SLC4A10: variants seen among roughly 807,000 people sequenced by gnomAD.
SLC4A10 encodes the protein solute carrier family 4 member 10, also known as sodium-driven chloride bicarbonate exchanger.
A neutral mutation model predicts 137.7 loss-of-function variants in SLC4A10; 42 were observed. The ratio of observed to expected loss-of-function variants is 0.30; its 90% CI spans 0.24 to 0.39. The LOEUF is 0.39. Among genes scored for constraint, SLC4A10 ranks in the 10% least tolerant of loss-of-function variants. The pLI is 1.00. For synonymous variants in SLC4A10, 474 were observed against 464.1 expected (o/e 1.02, Z -0.27); for missense variants, 925 against 1,355.0 (o/e 0.68, Z 4.98).
At chr2:161,658,840 C>T (rs1193126835) in intron 1 of SLC4A10, among the ~76,000 whole-genome samples, 1 of 152,048 alleles carries the variant, frequency 6.6e-6, no homozygotes, top group East Asian at 1.9e-4. Flanking sequence ...ATCTGCCTGC[C>T]TCAGCCTCCT....
intron 1 of SLC4A10, among the ~76,000 whole-genome samples, chr2:161,694,915 A>C (rs933308032): frequency 6.6e-6 from 1 of 151,936 alleles, no homozygotes; most frequent in African/African-American, 2.4e-5. Context: ...AATTTTTTTT[A>C]TATCTTTGTG....
At chr2:161,781,818 TG>T (rs1248309803) in intron 2 of SLC4A10, among the ~76,000 whole-genome samples, 1 of 152,002 alleles carries the variant, frequency 6.6e-6, no homozygotes, top group Non-Finnish European at 1.5e-5. Context: ...GCACCCTGGG[TG>T]AATGCAAAAT....
chr2:161,965,216 CATA>C lies in SLC4A10; in HGVS notation c.3159+44_3159+46del, dbSNP rs1697377712. 3.2e-6 allele frequency: 5 copies of C among 1,547,152 alleles called. No individual in the cohort carries two copies. The East Asian group carries it at 1.2e-4, about 37-fold the overall frequency. ...GTTTTATAAAGAAAGAAAAAAGGAA[CATA>C]GTAATATTTCTTTGCAAAACTAAAT... On this transcript the variant is annotated intron_variant, in intron 23 of 26. Coordinates refer to ENST00000446997, the MANE Select transcript of SLC4A10 (RefSeq NM_001178015.2).
intron 1 of SLC4A10, among the ~76,000 whole-genome samples, chr2:161,626,797 T>A (rs1412912508): frequency 2.6e-5 from 4 of 152,180 alleles, no homozygotes; most frequent in African/African-American, 9.7e-5. Flanking sequence ...GAAATTGTTT[T>A]AAAAATTCAA....
At chr2:161,869,535 G>A (rs2060977022) in intron 6 of SLC4A10, among the ~76,000 whole-genome samples, 2 of 151,436 alleles carry the variant, frequency 1.3e-5, no homozygotes, top group South Asian at 2.1e-4. Context: ...CAAATAAAAT[G>A]TTAAGCTTTT....
Position 161,873,937 on chromosome 2 carries a change from G to A in SLC4A10, c.880G>A (p.Gly294Arg). 1 of 1,594,560 alleles carries A rather than the reference G, an allele frequency of 6.3e-7. No homozygotes were observed. The highest frequency in any genetic ancestry group is 8.5e-7 in the Non-Finnish European group (1 of 1,178,102). The change falls in exon 8 of 27, where the codon GGG becomes AGG. Residue 294 changes from glycine (G) to arginine (R), a missense_variant. Physicochemically the swap from Gly to Arg is moderately radical, Grantham distance 125. Coordinates refer to ENST00000446997, the MANE Select transcript of SLC4A10 (RefSeq NM_001178015.2). ...FSKGLGGQQK[G>R]HTSPCGMKQR... ...GCAGGGACTGGGAGGCCAACAAAAG[G>A]GGCATACTAGTCCATGTGGGATGAA...
At chr2:161,640,727 G>T (rs1310813762) in intron 1 of SLC4A10, among the ~76,000 whole-genome samples, 1 of 150,376 alleles carries the variant, frequency 6.6e-6, no homozygotes, top group African/African-American at 2.5e-5. Context: ...TACAGGCATG[G>T]TCATCACAGT....
chr2:161,694,819 G>T (rs906637733), intron 1 of SLC4A10, among the ~76,000 whole-genome samples: 7 of 151,954 alleles, frequency 4.6e-5, no homozygotes, highest in South Asian at 2.1e-4. Context: ...ATCCCCTTCA[G>T]TCATTATTAT....
At chr2:161,731,838 C>A (rs1472128370) in intron 1 of SLC4A10, among the ~76,000 whole-genome samples, 2 of 151,858 alleles carry the variant, frequency 1.3e-5, no homozygotes, top group African/African-American at 4.8e-5. Flanking sequence ...TCAAAATTCC[C>A]TGAATATAGT....
chr2:161,843,357 G>A (rs375324450), intron 4 of SLC4A10, among the ~76,000 whole-genome samples: 1 of 152,098 alleles, frequency 6.6e-6, no homozygotes, highest in East Asian at 1.9e-4. Flanking sequence ...ATATATTGCT[G>A]TTGATTTATA....
rs919235119 is a variant in SLC4A10, at chr2:161,933,155, C to T, written c.1998-9637C>T. Reference sequence around the variant, plus strand: ...TTTTTCTTTCTTTTCTTCTTTCTTTCCTCTTTCTTTCTCTTTCCCCTTCCT... The same window carrying T: ...TTTTTCTTTCTTTTCTTCTTTCTTTTCTCTTTCTTTCTCTTTCCCCTTCCT... On this transcript the variant is annotated intron_variant, in intron 15 of 26. Coordinates refer to ENST00000446997, the MANE Select transcript of SLC4A10 (RefSeq NM_001178015.2). Among the ~76,000 whole-genome samples the T allele has an allele frequency of 1.2e-4, 6 of 49,808 alleles. No homozygotes were observed. The South Asian group carries it at 2.8e-3, about 23-fold the overall frequency. The allele number at this position is 49,808 out of a possible 152,430, so 32.7% of individuals were successfully genotyped here.
In SLC4A10 at chr2:161,976,761, G is replaced by C; in HGVS notation, c.3229G>C (p.Asp1077His). The change falls in exon 25 of 27, where the codon GAT becomes CAT. Residue 1077 changes from aspartate to histidine, a missense_variant and splice_region_variant. By Grantham distance (81) the Asp-to-His change is moderately conservative. Around this residue, in one of 11 missense-constraint regions of SLC4A10, gnomAD observed 84 missense variants for 76.9 expected, o/e 1.09. Coordinates refer to ENST00000446997, the MANE Select transcript of SLC4A10 (RefSeq NM_001178015.2). ...TCATTTGGGGAAACTCCTGTCTAGAGATGATCCATCTGTGATCAATATATC... is the reference window on the plus strand; with the variant it reads ...TCATTTGGGGAAACTCCTGTCTAGACATGATCCATCTGTGATCAATATATC... ...VQLPLEGHYR[D>H]DPSVINISDE... is the part of the protein sequence containing the mutation. 6.5e-7 allele frequency: 1 copy of C among 1,542,788 alleles called. No individual in the cohort carries two copies. Among genetic ancestry groups the C allele is most frequent in the South Asian group, 1.3e-5 (1 of 78,862 alleles).
chr2:161,855,972 A>G (rs1486330873), intron 5 of SLC4A10, among the ~76,000 whole-genome samples: 1 of 152,122 alleles, frequency 6.6e-6, no homozygotes, highest in Non-Finnish European at 1.5e-5. Context: ...GAAAAACTAT[A>G]TGTGTGTTTT....
At chr2:161,642,560 G>T (rs2035456317) in intron 1 of SLC4A10, among the ~76,000 whole-genome samples, 1 of 152,012 alleles carries the variant, frequency 6.6e-6, no homozygotes, top group African/African-American at 2.4e-5. Context: ...TGTTAAAAAT[G>T]AATGGTTCAT....
chr2:161,772,136 T>C, intron 2 of SLC4A10, among the ~76,000 whole-genome samples: 1 of 151,882 alleles, frequency 6.6e-6, no homozygotes, highest in Non-Finnish European at 1.5e-5. Context: ...AAGGTTATGC[T>C]TACTGGGGGG....
At chr2:161,853,236 C>T (rs987921061) in intron 4 of SLC4A10, among the ~76,000 whole-genome samples, 2 of 152,070 alleles carry the variant, frequency 1.3e-5, no homozygotes, top group Non-Finnish European at 2.9e-5. Context: ...GGCTTAAACC[C>T]ATTTATTTAT....
chr2:161,729,007 G>GA (rs957381092), intron 1 of SLC4A10, among the ~76,000 whole-genome samples: 62 of 148,142 alleles, frequency 4.2e-4, no homozygotes, highest in Middle Eastern at 3.5e-3. Flanking sequence ...ATTCATTCTA[G>GA]AAAAAAAAAA....
chr2:161,784,348 G>A (rs72877371), intron 2 of SLC4A10, among the ~76,000 whole-genome samples: 1 of 151,784 alleles, frequency 6.6e-6, no homozygotes, highest in Non-Finnish European at 1.5e-5. Flanking sequence ...TTACCCACGG[G>A]CAAAACAGAG....
At chr2:161,635,379 A>C (rs1209187175) in intron 1 of SLC4A10, among the ~76,000 whole-genome samples, 1 of 152,092 alleles carries the variant, frequency 6.6e-6, no homozygotes, top group African/African-American at 2.4e-5. Context: ...TGCTCAAAAC[A>C]CTCTTATACT....
Sources: allele counts gnomAD v4.1 joint callset (sites outside exome capture counted in the v4.1 genomes callset), GRCh38; gene constraint gnomAD v4.1.1; regional missense constraint gnomAD v4.1.1; transcripts MANE v1.5; gene names NCBI Gene and HGNC (gene_info 2026-07-23, HGNC 2026-07-21).